The following GLIS3 variants were observed in gnomAD, a reference collection of about 807,000 sequenced individuals.
GLIS3 encodes the protein GLIS family zinc finger 3.
A neutral mutation model predicts 78.6 loss-of-function variants in GLIS3; 53 were observed. The ratio of observed to expected loss-of-function variants is 0.67; its 90% CI spans 0.54 to 0.85. GLIS3 has a LOEUF of 0.85. Among genes scored for constraint, GLIS3 ranks in the 40% least tolerant of loss-of-function variants. The pLI is 0.00. For synonymous variants in GLIS3, 684 were observed against 509.9 expected (o/e 1.34, Z -4.60); for missense variants, 1,703 against 1,231.1 (o/e 1.38, Z -5.74).
At chr9:3,941,377 TA>T (rs1256538052) in intron 4 of GLIS3, among the ~76,000 whole-genome samples, 6 of 151,976 alleles carry the variant, frequency 3.9e-5, no homozygotes, top group African/African-American at 1.2e-4. Flanking sequence ...TTATTTATTT[TA>T]TTTTTTTTAA....
intron 2 of GLIS3, among the ~76,000 whole-genome samples, chr9:4,146,773 G>A (rs1834256190): frequency 6.6e-6 from 1 of 152,088 alleles, no homozygotes; most frequent in African/African-American, 2.4e-5. Context: ...GCAAGAATTA[G>A]CCTACTAATA....
At chr9:4,152,554 G>A (rs959608682) in intron 2 of GLIS3, among the ~76,000 whole-genome samples, 1 of 152,078 alleles carries the variant, frequency 6.6e-6, no homozygotes, top group Non-Finnish European at 1.5e-5. Context: ...TAAAATGCAG[G>A]TGAGTAATTA....
intron 2 of GLIS3, among the ~76,000 whole-genome samples, chr9:4,178,964 G>C (rs1339170543): frequency 6.6e-6 from 1 of 152,184 alleles, no homozygotes; most frequent in Non-Finnish European, 1.5e-5. Flanking sequence ...ATAGATAGTA[G>C]TTTAAAGAAA....
In GLIS3 at chr9:4,205,562, G is replaced by C. The variant is rs145803442; in HGVS notation, c.389-79621C>G. Among the ~76,000 whole-genome samples the C allele has an allele frequency of 2.7e-3, 407 of 152,346 alleles. 2 individuals are homozygous for C. The highest frequency in any genetic ancestry group is 9.4e-3 in the African/African-American group (392 of 41,570). On this transcript the variant is annotated intron_variant, in intron 2 of 10. Coordinates refer to ENST00000381971, the MANE Select transcript of GLIS3 (RefSeq NM_001042413.2). The stretch of plus-strand genomic sequence containing the variant: ...TAGTGCTATAAGAGAGGAAAGTCTA[G>C]AGGTGGGGGCTTGGAAGGTGAGTGA...
At chr9:4,126,130 C>T (rs1832558135) in intron 2 of GLIS3, among the ~76,000 whole-genome samples, 189 bp from the exon 3 acceptor site, 1 of 152,010 alleles carries the variant, frequency 6.6e-6, no homozygotes, top group Admixed American at 6.6e-5. Context: ...ATAATAGAAA[C>T]CTTTCCATAA....
chr9:4,415,658 AC>A, the GLIS3 span, among the ~76,000 whole-genome samples: 7 of 152,190 alleles, frequency 4.6e-5, no homozygotes, highest in Non-Finnish European at 8.8e-5. Flanking sequence ...TGCAAATGTG[AC>A]CTTACAACAA....
At chr9:4,101,692 T>G (rs1830384225) in intron 4 of GLIS3, among the ~76,000 whole-genome samples, 2 of 152,216 alleles carry the variant, frequency 1.3e-5, no homozygotes, top group Non-Finnish European at 2.9e-5. Flanking sequence ...TTAGCTGGTT[T>G]CAAAAAAAGT....
intron 2 of GLIS3, among the ~76,000 whole-genome samples, chr9:4,151,545 T>A (rs1377786995): frequency 6.6e-6 from 1 of 152,174 alleles, no homozygotes; most frequent in Non-Finnish European, 1.5e-5. Flanking sequence ...GATTCTCTTC[T>A]CAAAGAAAGT....
chr9:4,416,252 T>TTTTAAAAAA, the GLIS3 span, among the ~76,000 whole-genome samples: 8 of 75,838 alleles, frequency 1.1e-4, 1 homozygote, highest in African/African-American at 2.6e-4. Flanking sequence ...ACACTGTTTT[T>TTTTAAAAAA]AAAAAAAAAA....
intron 2 of GLIS3, among the ~76,000 whole-genome samples, chr9:4,244,038 G>A (rs1364032472): frequency 1.3e-5 from 2 of 152,102 alleles, no homozygotes; most frequent in Non-Finnish European, 2.9e-5. Context: ...ATGCACATAC[G>A]TGCATACAAA....
intron 6 of GLIS3, among the ~76,000 whole-genome samples, chr9:3,916,814 G>A (rs941779362): frequency 6.6e-6 from 1 of 152,088 alleles, no homozygotes; most frequent in African/African-American, 2.4e-5. Flanking sequence ...AAAACAATAG[G>A]AAAAGTAGCT....
chr9:3,841,998 G>C (rs1286043125), intron 9 of GLIS3, among the ~76,000 whole-genome samples: 2 of 152,206 alleles, frequency 1.3e-5, no homozygotes, highest in Admixed American at 1.3e-4. Context: ...GCATGGTAAA[G>C]AATGAAGATT....
rs56734583 is a variant in GLIS3, at chr9:4,279,297, C to CAAA, written c.388+6738_388+6740dup. On this transcript the variant is annotated intron_variant, in intron 2 of 10. Coordinates refer to ENST00000381971, the MANE Select transcript of GLIS3 (RefSeq NM_001042413.2). ...TGGGCAACAGAGCAAGACTCCATCT[C>CAAA]AAAAAAAAAAAAAAAAAATATATAT... 2.9e-3 allele frequency among the ~76,000 whole-genome samples: 265 copies of CAAA among 91,850 alleles called. 3 individuals carry two copies. Among genetic ancestry groups the CAAA allele is most frequent in the African/African-American group, 7.8e-3 (189 of 24,088 alleles). The allele number at this position is 91,850 out of a possible 152,430, so 60.3% of individuals were successfully genotyped here. A position where few individuals can be genotyped will look rare whatever the true frequency, so the allele number is the denominator to read the frequency against.
chr9:4,269,138 T>A, intron 2 of GLIS3, among the ~76,000 whole-genome samples: 1 of 152,158 alleles, frequency 6.6e-6, no homozygotes, highest in East Asian at 1.9e-4. Context: ...ACAACTCCAA[T>A]CCTTCATGTG....
At chr9:4,162,846 C>A in intron 2 of GLIS3, among the ~76,000 whole-genome samples, 1 of 108,734 alleles carries the variant, frequency 9.2e-6, no homozygotes, top group Non-Finnish European at 1.8e-5. Flanking sequence ...GACAGAGTCT[C>A]GCTCTGTCAA....
At chr9:3,869,630 G>A (rs909713142) in intron 8 of GLIS3, among the ~76,000 whole-genome samples, 11 of 152,148 alleles carry the variant, frequency 7.2e-5, no homozygotes, top group South Asian at 4.1e-4. Flanking sequence ...ATAAATCAAG[G>A]GAATTGTTGC....
At chr9:4,065,441 A>G (rs1827013961) in intron 4 of GLIS3, among the ~76,000 whole-genome samples, 1 of 152,244 alleles carries the variant, frequency 6.6e-6, no homozygotes, top group Non-Finnish European at 1.5e-5. Flanking sequence ...CTAACGCTGT[A>G]AAACAGCCAA....
At chr9:4,121,364 T>C (rs972846038) in intron 3 of GLIS3, among the ~76,000 whole-genome samples, 21 of 152,196 alleles carry the variant, frequency 1.4e-4, no homozygotes, top group African/African-American at 5.1e-4. Context: ...CAAAGTCTTT[T>C]AACAGAAGGG....
chr9:3,988,663 T>TC, intron 4 of GLIS3, among the ~76,000 whole-genome samples: 1 of 152,192 alleles, frequency 6.6e-6, no homozygotes, highest in East Asian at 1.9e-4. Context: ...GGAAGAATAG[T>TC]CTTTACAACA....
Sources: gnomAD v4.1 joint callset for allele counts (sites outside exome capture counted in the v4.1 genomes callset) on GRCh38, gnomAD v4.1.1 for gene constraint, MANE v1.5 for transcripts, NCBI Gene and HGNC (gene_info 2026-07-23, HGNC 2026-07-21) for gene names.